ODAD2: variants seen among roughly 807,000 people sequenced by gnomAD.
ODAD2 encodes outer dynein arm-docking complex subunit 2.
In ODAD2, 89 loss-of-function variants were observed where a neutral mutation model predicts 106.8. That is an observed-to-expected ratio of 0.83 (90% CI 0.70 to 0.99). The LOEUF is 0.99. Ranked by LOEUF, ODAD2 falls within the 50% of genes least tolerant of loss-of-function variation. ODAD2 has a pLI of 0.00. For missense variants in ODAD2, 1,168 were observed against 1,238.5 expected (o/e 0.94, Z 0.85); for synonymous variants, 404 against 436.2 (o/e 0.93, Z 0.92).
At chr10:27,873,832 G>C (rs558981775) in intron 17 of ODAD2, among the ~76,000 whole-genome samples, 1 of 152,334 alleles carries the variant, frequency 6.6e-6, no homozygotes, top group South Asian at 2.1e-4. Context: ...TGCATATTCT[G>C]TTGATTTGGG....
intron 10 of ODAD2, among the ~76,000 whole-genome samples, chr10:27,946,013 T>C (rs552789127): frequency 3.7e-4 from 55 of 150,182 alleles, no homozygotes; most frequent in Non-Finnish European, 5.9e-4. Flanking sequence ...CTATTGTGTA[T>C]ATATATATAA....
At chr10:27,955,265 GCA>G (rs1847642961) in intron 10 of ODAD2, among the ~76,000 whole-genome samples, 1 of 152,048 alleles carries the variant, frequency 6.6e-6, no homozygotes, top group Non-Finnish European at 1.5e-5. Flanking sequence ...CAGCAGAAGA[GCA>G]CAGTCTAATA....
intron 16 of ODAD2, among the ~76,000 whole-genome samples, chr10:27,920,861 G>GA (rs201906114): frequency 0.072 from 10,198 of 140,868 alleles, 408 homozygotes; most frequent in East Asian, 0.2. Context: ...TGTAAAAACT[G>GA]AAAAAAAAAA....
At chr10:27,834,079 G>C (rs72799641) in intron 19 of ODAD2, among the ~76,000 whole-genome samples, 425 of 152,282 alleles carry the variant, frequency 2.8e-3, no homozygotes, top group Non-Finnish European at 4.7e-3. Context: ...TGGACATCCC[G>C]GTGTGTCACT....
intron 19 of ODAD2, among the ~76,000 whole-genome samples, chr10:27,850,543 C>T (rs533135992): frequency 8.5e-4 from 128 of 150,756 alleles, no homozygotes; most frequent in Non-Finnish European, 1.2e-3. Context: ...GGTGACAGAG[C>T]GAGACTCTGT....
intron 10 of ODAD2, among the ~76,000 whole-genome samples, chr10:27,959,704 C>A (rs1258023499): frequency 1.3e-5 from 2 of 151,976 alleles, no homozygotes; most frequent in South Asian, 2.1e-4. Flanking sequence ...CATGAGTTCC[C>A]AAAATTATAT....
intron 17 of ODAD2, among the ~76,000 whole-genome samples, chr10:27,898,812 G>T (rs1843007337): frequency 6.6e-6 from 1 of 152,128 alleles, no homozygotes; most frequent in Admixed American, 6.5e-5. Flanking sequence ...AACATAGTGT[G>T]ATTCCAGTAA....
intron 19 of ODAD2, among the ~76,000 whole-genome samples, chr10:27,835,714 T>C (rs1837822163): frequency 6.6e-6 from 1 of 151,830 alleles, no homozygotes; most frequent in Non-Finnish European, 1.5e-5. Flanking sequence ...ATGCAGAAAG[T>C]CATAAGGAAG....
chr10:27,954,495 GTGAATGAATGAATGAA>G (rs10597575), intron 10 of ODAD2, among the ~76,000 whole-genome samples: 275 of 151,120 alleles, frequency 1.8e-3, no homozygotes, highest in Non-Finnish European at 2.2e-3. Flanking sequence ...ATAAACACGA[GTGAATGAATGAATGAA>G]TGAATGAATG....
chr10:27,990,153 CT>C (rs1311529756), intron 2 of ODAD2, among the ~76,000 whole-genome samples: 28 of 147,606 alleles, frequency 1.9e-4, no homozygotes, highest in South Asian at 2.2e-4. Flanking sequence ...GTTTAGTGTC[CT>C]TTTTTTTTTA....
chr10:27,996,090 G>A (rs571312458), intron 1 of ODAD2, among the ~76,000 whole-genome samples: 1 of 152,304 alleles, frequency 6.6e-6, no homozygotes, highest in Non-Finnish European at 1.5e-5. Flanking sequence ...TTAAATAAGA[G>A]CCAAGTTAGA....
intron 17 of ODAD2, among the ~76,000 whole-genome samples, chr10:27,898,328 CA>C (rs1222387796): frequency 1.3e-5 from 2 of 151,774 alleles, no homozygotes; most frequent in East Asian, 3.9e-4. Flanking sequence ...CTTCAATTTC[CA>C]AAAAAAACAG....
chr10:27,873,979 G>A (rs561074033), intron 17 of ODAD2, among the ~76,000 whole-genome samples: 1 of 152,258 alleles, frequency 6.6e-6, no homozygotes, highest in Non-Finnish European at 1.5e-5. Flanking sequence ...CATTATTATT[G>A]TGTGGGAGCC....
chr10:27,958,076 C>A (rs1847855497), intron 10 of ODAD2, among the ~76,000 whole-genome samples: 1 of 152,102 alleles, frequency 6.6e-6, no homozygotes, highest in Admixed American at 6.6e-5. Context: ...TGTCAAAAAC[C>A]TTGAAATCAT....
In ODAD2 at chr10:27,828,255, CT is replaced by C. The variant is rs1837219376; in HGVS notation, c.3022-15631del. The stretch of plus-strand genomic sequence containing the variant: ...GGGCAAGGAGGCTCTTGAGAGAATG[CT>C]ACTTCCCTGATATGATGATTTCCCC... On this transcript the variant is annotated intron_variant, in intron 19 of 19. Transcript: ENST00000305242. Among the ~76,000 whole-genome samples the C allele has an allele frequency of 3.9e-5, 6 of 152,290 alleles. No individual in the cohort carries two copies. The South Asian group carries it at 1.2e-3, about 32-fold the overall frequency.
intron 17 of ODAD2, among the ~76,000 whole-genome samples, chr10:27,895,557 G>A (rs1449050275): frequency 1.3e-5 from 2 of 152,158 alleles, no homozygotes; most frequent in Non-Finnish European, 2.9e-5. Flanking sequence ...CCAAAGTGCT[G>A]GGATTATAGA....
chr10:27,923,947 A>AAAG (rs1403836920), intron 16 of ODAD2, among the ~76,000 whole-genome samples: 4 of 37,422 alleles, frequency 1.1e-4, no homozygotes, highest in Non-Finnish European at 2.1e-4. Context: ...CTGTCTAATG[A>AAAG]AAGAAAGAAA....
chr10:27,841,231 T>G (rs1363234448), intron 19 of ODAD2, among the ~76,000 whole-genome samples: 1 of 152,158 alleles, frequency 6.6e-6, no homozygotes, highest in African/African-American at 2.4e-5. Context: ...CTATGATTAT[T>G]TCCCTCTTTG....
chr10:27,981,834 A>G, intron 6 of ODAD2: 1 of 288,076 alleles, frequency 3.5e-6, no homozygotes, highest in Non-Finnish European at 6.4e-6. Context: ...AGTACCTCCT[A>G]TATGCATGTA....
Sources: allele counts gnomAD v4.1 joint callset (sites outside exome capture counted in the v4.1 genomes callset), GRCh38; gene constraint gnomAD v4.1.1; transcripts MANE v1.5; gene names NCBI Gene and HGNC (gene_info 2026-07-23, HGNC 2026-07-21).